The following SDHB variants were observed in gnomAD, a reference collection of about 807,000 sequenced individuals.
SDHB encodes the protein succinate dehydrogenase [ubiquinone] iron-sulfur subunit, mitochondrial.
Under a neutral mutation model 39.7 loss-of-function variants are expected in SDHB, and 21 were observed. That is an observed-to-expected ratio of 0.53 (90% CI 0.37 to 0.76). SDHB has a LOEUF of 0.76. Among genes scored for constraint, SDHB ranks in the 30% least tolerant of loss-of-function variants. The pLI is 0.00. For synonymous variants in SDHB, 118 were observed against 117.0 expected, an observed-to-expected ratio of 1.01 and a Z score of -0.06; for missense variants, 343 against 350.9, an observed-to-expected ratio of 0.98 and a Z score of 0.18.
At chr1:17,042,178 C>T (rs1472655911) in intron 2 of SDHB, among the ~76,000 whole-genome samples, 1 of 152,182 alleles carries the variant, frequency 6.6e-6, no homozygotes, top group Non-Finnish European at 1.5e-5. Flanking sequence ...AGCCAATGCA[C>T]CCAGTCGGAT....
chr1:17,025,180 C>T (rs1018988184), intron 5 of SDHB, among the ~76,000 whole-genome samples: 10 of 152,056 alleles, frequency 6.6e-5, no homozygotes, highest in African/African-American at 1.7e-4. Context: ...GGTTTTATGG[C>T]GCATGGTGCA....
chr1:17,039,984 C>T (rs2078071926), intron 2 of SDHB, among the ~76,000 whole-genome samples: 1 of 152,206 alleles, frequency 6.6e-6, no homozygotes, highest in Non-Finnish European at 1.5e-5. Flanking sequence ...CTTCCTATAG[C>T]ATTTCATGTA....
chr1:17,030,878 T>TA (rs1405319732), intron 3 of SDHB, among the ~76,000 whole-genome samples: 1 of 152,018 alleles, frequency 6.6e-6, no homozygotes, highest in Non-Finnish European at 1.5e-5. Context: ...GACGGGGTTT[T>TA]ACCACGTTGG....
Position 17,044,801 on chromosome 1 carries a change from C to G in SDHB, c.160G>C (p.Asp54His). The G allele has an allele frequency of 6.2e-7, 1 of 1,614,158 alleles. No homozygotes were observed. The highest frequency in any genetic ancestry group is 8.5e-7 in the Non-Finnish European group (1 of 1,180,024). The change falls in exon 2 of 8, where the codon GAC becomes CAC. Residue 54 changes from aspartate (D) to histidine (H), a missense_variant. Asp to His is a moderately conservative substitution (Grantham distance 81, BLOSUM62 -1). Transcript: ENST00000375499. ...IYRWDPDKAG[D>H]KPHMQTYEVD... is the part of the protein sequence containing the mutation. The stretch of plus-strand genomic sequence containing the variant: ...TCATAAGTCTGCATATGAGGTTTGT[C>G]TCCAGCCTTGTCTGGGTCCCATCGA...
intron 2 of SDHB, among the ~76,000 whole-genome samples, chr1:17,041,148 C>CA (rs1163286064): frequency 1.3e-5 from 2 of 151,996 alleles, no homozygotes; most frequent in Non-Finnish European, 2.9e-5. Context: ...AACAAACAAA[C>CA]AACAACAAAA....
At chr1:17,053,702 C>T (rs1284630290) in intron 1 of SDHB, among the ~76,000 whole-genome samples, 7 of 117,598 alleles carry the variant, frequency 6.0e-5, no homozygotes, top group Admixed American at 4.8e-4. Context: ...TCTGAACGTC[C>T]CCCCCCCCCG....
At chr1:17,035,637 T>G (rs1235036663) in intron 2 of SDHB, among the ~76,000 whole-genome samples, 1 of 151,900 alleles carries the variant, frequency 6.6e-6, no homozygotes, top group Non-Finnish European at 1.5e-5. Context: ...CCTTGGCGGG[T>G]GGATCATGAG....
intron 7 of SDHB, among the ~76,000 whole-genome samples, chr1:17,022,356 A>G (rs1005417340): frequency 2.0e-5 from 3 of 152,142 alleles, no homozygotes; most frequent in East Asian, 3.9e-4. Context: ...GTTCCTGTGC[A>G]TCCTTAACTC....
intron 3 of SDHB, 40 bp from the exon 4 acceptor site, chr1:17,028,776 C>G (rs202204566): frequency 1.9e-6 from 3 of 1,609,594 alleles, no homozygotes; most frequent in Middle Eastern, 1.7e-4. Flanking sequence ...CACCCATATC[C>G]GGAATCAGTC....
intron 2 of SDHB, among the ~76,000 whole-genome samples, chr1:17,042,954 GTTTTTTT>G (rs143394198): frequency 1.4e-3 from 90 of 62,910 alleles, no homozygotes; most frequent in African/African-American, 5.2e-3. Flanking sequence ...TGTTTTATGA[GTTTTTTT>G]TTTTTTTTTT....
chr1:17,041,904 G>A (rs765390505), intron 2 of SDHB, among the ~76,000 whole-genome samples: 8 of 151,584 alleles, frequency 5.3e-5, no homozygotes, highest in Admixed American at 1.3e-4. Context: ...GTGTCTTCTC[G>A]TTATTCAAGC....
chr1:17,035,650 C>G (rs2078046902), intron 2 of SDHB, among the ~76,000 whole-genome samples: 1 of 152,028 alleles, frequency 6.6e-6, no homozygotes, highest in Non-Finnish European at 1.5e-5. Context: ...ATCATGAGGT[C>G]AGGAGATTGA....
chr1:17,038,363 T>C (rs1363108691), intron 2 of SDHB, among the ~76,000 whole-genome samples: 1 of 152,244 alleles, frequency 6.6e-6, no homozygotes, highest in Admixed American at 6.5e-5. Flanking sequence ...TAGAATTATC[T>C]GTAGCCATTG....
intron 3 of SDHB, chr1:17,032,742 A>G: frequency 2.4e-6 from 1 of 408,808 alleles, no homozygotes; most frequent in South Asian, 2.2e-5. Flanking sequence ...CTCCCTTAAT[A>G]AAAGAGCTCA....
At chr1:17,035,711 T>G (rs1447143208) in intron 2 of SDHB, among the ~76,000 whole-genome samples, 1 of 151,876 alleles carries the variant, frequency 6.6e-6, no homozygotes, top group Non-Finnish European at 1.5e-5. Flanking sequence ...ATACAAAAAA[T>G]TAGCTGGGTG....
intron 3 of SDHB, among the ~76,000 whole-genome samples, chr1:17,029,787 A>G (rs1488740510): frequency 6.6e-6 from 1 of 151,968 alleles, no homozygotes; most frequent in South Asian, 2.1e-4. Context: ...ACAGTGGTGG[A>G]GTCATAGCTC....
At chr1:17,045,224 G>T in intron 1 of SDHB, 1 of 326,892 alleles carries the variant, frequency 3.1e-6, no homozygotes, top group Non-Finnish European at 5.9e-6. Context: ...AGCTCTGGAT[G>T]AATACAGCAG....
At chr1:17,046,799 C>T (rs575954676) in intron 1 of SDHB, among the ~76,000 whole-genome samples, 6 of 152,222 alleles carry the variant, frequency 3.9e-5, no homozygotes, top group Admixed American at 2.6e-4. Flanking sequence ...CTCACCACAA[C>T]CTCCGCCTCC....
At chr1:17,030,188 C>CA (rs1401779262) in intron 3 of SDHB, among the ~76,000 whole-genome samples, 2 of 150,988 alleles carry the variant, frequency 1.3e-5, no homozygotes, top group African/African-American at 2.4e-5. Flanking sequence ...GATTCCATCT[C>CA]AAAAAAAAGA....
Sources: gnomAD v4.1 joint callset for allele counts (sites outside exome capture counted in the v4.1 genomes callset) on GRCh38, gnomAD v4.1.1 for gene constraint, MANE v1.5 for transcripts, NCBI Gene and HGNC (gene_info 2026-07-23, HGNC 2026-07-21) for gene names.